SSBP2: variants seen among roughly 807,000 people sequenced by gnomAD.
SSBP2 encodes the protein single-stranded DNA-binding protein 2.
A neutral mutation model predicts 61.8 loss-of-function variants in SSBP2; 17 were observed. That is an observed-to-expected ratio of 0.28 (90% CI 0.19 to 0.41). The LOEUF is 0.41. Among genes scored for constraint, SSBP2 ranks in the 10% least tolerant of loss-of-function variants. The pLI is 1.00. For missense variants in SSBP2, 310 were observed against 458.7 expected (o/e 0.68, Z 2.96); for synonymous variants, 139 against 141.3 (o/e 0.98, Z 0.12).
At chr5:81,445,483 T>C (rs1763347484) in intron 12 of SSBP2, among the ~76,000 whole-genome samples, 1 of 152,010 alleles carries the variant, frequency 6.6e-6, no homozygotes. Flanking sequence ...AAACATTAAC[T>C]TCACCATATA....
intron 4 of SSBP2, among the ~76,000 whole-genome samples, chr5:81,571,290 A>G (rs566382656): frequency 6.3e-4 from 96 of 151,996 alleles, no homozygotes; most frequent in African/African-American, 2.3e-3. Context: ...TTTTCTTTTC[A>G]TTTTCTCTTT....
At chr5:81,633,166 A>T (rs1421558175) in intron 3 of SSBP2, among the ~76,000 whole-genome samples, 3 of 116,322 alleles carry the variant, frequency 2.6e-5, no homozygotes, top group African/African-American at 3.4e-5. Flanking sequence ...CCTAGGCTGG[A>T]GTGCAGTGGC....
intron 8 of SSBP2, among the ~76,000 whole-genome samples, chr5:81,472,602 T>C (rs1765321203): frequency 1.3e-5 from 2 of 152,168 alleles, no homozygotes; most frequent in Non-Finnish European, 2.9e-5. Flanking sequence ...TATTTATTTA[T>C]TTATTATTTT....
At chr5:81,621,847 A>C (rs1305203771) in intron 3 of SSBP2, among the ~76,000 whole-genome samples, 1 of 120,180 alleles carries the variant, frequency 8.3e-6, no homozygotes, top group Non-Finnish European at 1.7e-5. Flanking sequence ...TCAGTAAACT[A>C]TTGCAAGAAC....
At chr5:81,695,596 G>A (rs756182380) in intron 1 of SSBP2, among the ~76,000 whole-genome samples, 3 of 148,940 alleles carry the variant, frequency 2.0e-5, no homozygotes, top group Non-Finnish European at 3.0e-5. Flanking sequence ...GAGAACATGC[G>A]GTATTTGGTT....
intron 4 of SSBP2, among the ~76,000 whole-genome samples, chr5:81,579,085 G>C (rs1273400804): frequency 6.6e-6 from 1 of 152,070 alleles, no homozygotes; most frequent in Non-Finnish European, 1.5e-5. Flanking sequence ...AACAGGGAAG[G>C]TAGCAAGAGG....
chr5:81,548,606 T>C (rs939283141), intron 4 of SSBP2, among the ~76,000 whole-genome samples: 2 of 152,142 alleles, frequency 1.3e-5, no homozygotes, highest in Non-Finnish European at 2.9e-5. Context: ...CTTACTAAAA[T>C]GGGCTATGGA....
chr5:81,670,588 C>T (rs1238214169), intron 1 of SSBP2, among the ~76,000 whole-genome samples: 1 of 152,146 alleles, frequency 6.6e-6, no homozygotes, highest in African/African-American at 2.4e-5. Context: ...ATTTTATATC[C>T]CGTGAAAATA....
At chr5:81,585,592 A>G (rs1774999806) in intron 4 of SSBP2, among the ~76,000 whole-genome samples, 1 of 151,964 alleles carries the variant, frequency 6.6e-6, no homozygotes, top group African/African-American at 2.4e-5. Context: ...TATTTTCATA[A>G]ATGTATACAC....
intron 4 of SSBP2, among the ~76,000 whole-genome samples, chr5:81,538,135 G>C (rs993155047): frequency 1.3e-5 from 2 of 152,152 alleles, no homozygotes; most frequent in Non-Finnish European, 2.9e-5. Flanking sequence ...AGTTGTGAAT[G>C]CAAAGGAAAA....
intron 1 of SSBP2, among the ~76,000 whole-genome samples, chr5:81,652,357 G>T (rs1749801818): frequency 6.6e-6 from 1 of 152,134 alleles, no homozygotes; most frequent in Non-Finnish European, 1.5e-5. Flanking sequence ...CTATTTACAA[G>T]TAAAATTAAG....
intron 4 of SSBP2, among the ~76,000 whole-genome samples, chr5:81,588,521 T>TC (rs985666319): frequency 6.6e-6 from 1 of 151,996 alleles, no homozygotes; most frequent in African/African-American, 2.4e-5. Flanking sequence ...GTTCAGACTA[T>TC]CTTTTTTTTT....
At chr5:81,587,386 A>T (rs191617967) in intron 4 of SSBP2, among the ~76,000 whole-genome samples, 109 of 152,320 alleles carry the variant, frequency 7.2e-4, no homozygotes, top group African/African-American at 2.6e-3. Flanking sequence ...CAACTAAGCC[A>T]AATTTAGAAA....
intron 4 of SSBP2, among the ~76,000 whole-genome samples, chr5:81,539,576 A>G (rs1378075878): frequency 6.6e-6 from 1 of 152,126 alleles, no homozygotes; most frequent in Non-Finnish European, 1.5e-5. Context: ...AAGTCATTCA[A>G]TGTGGCAAAC....
chr5:81,602,069 A>G (rs181803155), intron 4 of SSBP2, among the ~76,000 whole-genome samples: 37 of 152,242 alleles, frequency 2.4e-4, no homozygotes, highest in Admixed American at 2.2e-3. Context: ...CTACTCAGTG[A>G]AAGTACCTCT....
At chr5:81,472,831 C>A (rs1471353813) in intron 8 of SSBP2, among the ~76,000 whole-genome samples, 1 of 152,160 alleles carries the variant, frequency 6.6e-6, no homozygotes, top group South Asian at 2.1e-4. Context: ...AAACTCCTGA[C>A]CTCAAGTGAT....
chr5:81,614,125 C>T (rs548257825), intron 4 of SSBP2, among the ~76,000 whole-genome samples: 2 of 152,200 alleles, frequency 1.3e-5, no homozygotes, highest in African/African-American at 4.8e-5. Flanking sequence ...CTTTGGGAGG[C>T]CGAGGCGGGC....
intron 3 of SSBP2, among the ~76,000 whole-genome samples, chr5:81,635,001 T>A (rs1748069162): frequency 6.6e-6 from 1 of 152,222 alleles, no homozygotes; most frequent in South Asian, 2.1e-4. Context: ...TAGGGATGTG[T>A]GTGTGTTTTA....
intron 1 of SSBP2, among the ~76,000 whole-genome samples, chr5:81,745,536 A>C (rs1581468061): frequency 6.6e-6 from 1 of 152,088 alleles, no homozygotes; most frequent in Non-Finnish European, 1.5e-5. Flanking sequence ...TAATAAAATT[A>C]ATATTTTAGC....
Sources: allele counts gnomAD v4.1 joint callset (sites outside exome capture counted in the v4.1 genomes callset), GRCh38; gene constraint gnomAD v4.1.1; transcripts MANE v1.5; gene names NCBI Gene and HGNC (gene_info 2026-07-23, HGNC 2026-07-21).